The following SYNE2 variants were observed in gnomAD, a reference collection of about 807,000 sequenced individuals.
The protein encoded by SYNE2 is spectrin repeat containing nuclear envelope protein 2, also known as nesprin-2.
Under a neutral mutation model 856.3 loss-of-function variants are expected in SYNE2, and 431 were observed. That is an observed-to-expected ratio of 0.50 (90% CI 0.47 to 0.55). The LOEUF (loss-of-function observed/expected upper bound fraction) is 0.55. Ranked by LOEUF, SYNE2 falls within the 20% of genes least tolerant of loss-of-function variation. The pLI, the probability that SYNE2 is intolerant of heterozygous loss-of-function variation, is 0.00. For synonymous variants in SYNE2, 2,923 were observed against 2,872.3 expected, an observed-to-expected ratio of 1.02 and a Z score of -0.56; for missense variants, 8,129 against 8,023.2, an observed-to-expected ratio of 1.01 and a Z score of -0.50.
intron 1 of SYNE2, among the ~76,000 whole-genome samples, chr14:63,821,198 T>G (rs1420417302): frequency 1.3e-5 from 2 of 152,164 alleles, no homozygotes; most frequent in African/African-American, 4.8e-5. Flanking sequence ...TATAAAAACT[T>G]ACTACATTTC....
intron 63 of SYNE2, among the ~76,000 whole-genome samples, chr14:64,100,555 T>TATATAGATATATAG (rs1595522008): frequency 3.3e-5 from 4 of 122,048 alleles, no homozygotes; most frequent in South Asian, 5.2e-4. Context: ...TATATATATA[T>TATATAGATATATAG]ATATATATAT....
intron 99 of SYNE2, among the ~76,000 whole-genome samples, chr14:64,201,358 T>C (rs2098564005): frequency 3.3e-5 from 5 of 152,198 alleles, no homozygotes; most frequent in Admixed American, 3.3e-4. Context: ...CTGTCCGTAT[T>C]TGTCCATTCA....
At chr14:64,064,172 A>G (rs919231196) in intron 50 of SYNE2, among the ~76,000 whole-genome samples, 4 of 152,234 alleles carry the variant, frequency 2.6e-5, no homozygotes, top group Non-Finnish European at 5.9e-5. Context: ...ATGAAATGAT[A>G]TAGCCATGGT....
At position 63,892,623 on chromosome 14, in the gene SYNE2, T is replaced by C. The variant is rs72718314; in HGVS notation, c.-51-16475T>C. ...TATCCAAGGAAGGAATTGCAACTTC[T>C]TTTTTGTATTCTGTGACTCATGAAG... On this transcript the variant is annotated intron_variant, in intron 1 of 115. Coordinates refer to ENST00000555002, the MANE Select transcript of SYNE2 (RefSeq NM_182914.3). Among the ~76,000 whole-genome samples, 561 of 152,290 alleles carry C rather than the reference T, an allele frequency of 3.7e-3. 1 individual carries two copies. The highest frequency in any genetic ancestry group is 6.0e-3 in the Non-Finnish European group (408 of 68,028).
In SYNE2 at chr14:64,225,451, C is replaced by G; in HGVS notation, c.20649C>G (p.Ser6883Arg). 6 of 1,614,214 alleles carry G rather than the reference C, an allele frequency of 3.7e-6. No individual in the cohort carries two copies. Among genetic ancestry groups the G allele is most frequent in the Non-Finnish European group, 5.1e-6 (6 of 1,180,016 alleles). Residue 6883 changes from serine to arginine, a missense_variant, in exon 116 of 116, where the codon AGC becomes AGG. Around this residue, in one of 3 missense-constraint regions of SYNE2, gnomAD observed 5,410 missense variants for 5,284.8 expected, o/e 1.02. Transcript: ENST00000555002. ...TGCCCTCCTCCGAAGAAGACTACAG[C>G]TGCACTCAGGCCAACAACTTTGCCC... ...CLLPSSEEDYSCTQANNFARS... is the reference protein window; with the variant it reads ...CLLPSSEEDYRCTQANNFARS...
In SYNE2 at chr14:63,982,528, AAAAAAAAAAG is replaced by A. The variant is rs1316879652; in HGVS notation, c.1837-97_1837-88del. The A allele has an allele frequency of 3.3e-5, 42 of 1,270,672 alleles. No individual in the cohort carries two copies. The East Asian group carries it at 6.0e-4, about 18-fold the overall frequency. 78.7% of individuals were successfully genotyped at this position (1,270,672 alleles called of 1,614,324 possible). ...GAGCAAGACTCCATCTCAAAAAAAAAAAAAAAAAAGAAAAGAAAAAAGCCTTGGTGAACAT... is the reference window on the plus strand; with the variant it reads ...GAGCAAGACTCCATCTCAAAAAAAAAAAAAGAAAAAAGCCTTGGTGAACAT... On this transcript the variant is annotated intron_variant, in intron 16 of 115. Transcript: ENST00000555002.
intron 85 of SYNE2, among the ~76,000 whole-genome samples, chr14:64,155,100 A>G (rs2153707252): frequency 6.6e-6 from 1 of 152,338 alleles, no homozygotes; most frequent in Non-Finnish European, 1.5e-5. Flanking sequence ...CATGCAACTT[A>G]GCAGTTCTAC....
intron 11 of SYNE2, among the ~76,000 whole-genome samples, chr14:63,968,274 T>G (rs891914553): frequency 6.6e-6 from 1 of 151,892 alleles, no homozygotes; most frequent in African/African-American, 2.4e-5. Flanking sequence ...CATCAGAAAA[T>G]GGGATTGTGT....
chr14:63,917,884 A>T (rs2095551003), intron 2 of SYNE2, among the ~76,000 whole-genome samples: 1 of 151,238 alleles, frequency 6.6e-6, no homozygotes, highest in African/African-American at 2.4e-5. Context: ...GCTTTTATAT[A>T]CAGTTTTGGC....
intron 89 of SYNE2, 36 bp from the exon 90 acceptor site, chr14:64,165,249 G>T (rs375204464): frequency 1.2e-6 from 2 of 1,606,264 alleles, no homozygotes; most frequent in Non-Finnish European, 1.7e-6. Flanking sequence ...ATATGTACAT[G>T]AAAATAGTTT....
chr14:64,190,906 C>T, intron 99 of SYNE2: 1 of 697,752 alleles, frequency 1.4e-6, no homozygotes, highest in Non-Finnish European at 2.6e-6. Flanking sequence ...TTCAAATTCC[C>T]TCTCTAAAGA....
intron 1 of SYNE2, among the ~76,000 whole-genome samples, chr14:63,908,703 T>C (rs1458686723): frequency 6.6e-6 from 1 of 152,098 alleles, no homozygotes; most frequent in African/African-American, 2.4e-5. Context: ...TCAAAAAAAG[T>C]TTTAAAGAAA....
chr14:64,214,765 G>A (rs980851156), intron 106 of SYNE2, among the ~76,000 whole-genome samples: 1 of 152,022 alleles, frequency 6.6e-6, no homozygotes, highest in Non-Finnish European at 1.5e-5. Context: ...TTTGATACAG[G>A]GTCTCACACT....
chr14:64,089,042 G>A (rs1444504530), intron 58 of SYNE2, among the ~76,000 whole-genome samples: 1 of 152,016 alleles, frequency 6.6e-6, no homozygotes, highest in Non-Finnish European at 1.5e-5. Flanking sequence ...AACAGCTATT[G>A]TACATACTGC....
chr14:63,984,746 A>T (rs529465556), intron 18 of SYNE2, among the ~76,000 whole-genome samples: 2 of 152,372 alleles, frequency 1.3e-5, no homozygotes, highest in Admixed American at 1.3e-4. Flanking sequence ...ACTGGCTCAG[A>T]CCTACTGGCA....
At chr14:63,861,632 A>C (rs1193441648) in intron 1 of SYNE2, among the ~76,000 whole-genome samples, 4 of 151,970 alleles carry the variant, frequency 2.6e-5, no homozygotes, top group African/African-American at 7.3e-5. Flanking sequence ...TCTCAAAAAA[A>C]AAAATTAGCT....
At chr14:64,037,313 A>AT (rs757863766) in intron 45 of SYNE2, among the ~76,000 whole-genome samples, 26 of 151,112 alleles carry the variant, frequency 1.7e-4, no homozygotes, top group Non-Finnish European at 3.4e-4. Flanking sequence ...GGTACTTGAG[A>AT]TTAGGGAGTG....
chr14:63,904,815 C>T (rs184794631), intron 1 of SYNE2, among the ~76,000 whole-genome samples: 29 of 152,222 alleles, frequency 1.9e-4, no homozygotes, highest in African/African-American at 6.0e-4. Flanking sequence ...TTAATTAGAT[C>T]CCATTTGTCA....
At chr14:64,096,445 G>A (rs2097677904) in intron 61 of SYNE2, among the ~76,000 whole-genome samples, 1 of 152,204 alleles carries the variant, frequency 6.6e-6, no homozygotes, top group South Asian at 2.1e-4. Context: ...GGGGTCTGCA[G>A]ATGCTGCTTT....
Sources: allele counts gnomAD v4.1 joint callset (sites outside exome capture counted in the v4.1 genomes callset), GRCh38; gene constraint gnomAD v4.1.1; regional missense constraint gnomAD v4.1.1; transcripts MANE v1.5; gene names NCBI Gene and HGNC (gene_info 2026-07-23, HGNC 2026-07-21).